PTPRD: variants seen among roughly 807,000 people sequenced by gnomAD.
PTPRD encodes the protein receptor-type tyrosine-protein phosphatase delta.
In PTPRD, 34 loss-of-function variants were observed where a neutral mutation model predicts 214.5. That is an observed-to-expected ratio of 0.16 (90% CI 0.12 to 0.21). PTPRD has a LOEUF of 0.21. PTPRD is among the 10% of genes least tolerant of loss of function. The pLI, the probability that PTPRD is intolerant of heterozygous loss-of-function variation, is 1.00. For synonymous variants in PTPRD, 1,128 were observed against 845.7 expected (o/e 1.33, Z -5.79); for missense variants, 2,545 against 2,398.7 (o/e 1.06, Z -1.27).
intron 4 of PTPRD, among the ~76,000 whole-genome samples, chr9:9,987,626 T>A (rs989753261): frequency 5.9e-5 from 9 of 152,186 alleles, no homozygotes; most frequent in African/African-American, 1.9e-4. Context: ...AAACCATATC[T>A]AATGCTAAAG....
chr9:9,584,099 A>T (rs581604), intron 7 of PTPRD, among the ~76,000 whole-genome samples: 35,474 of 151,648 alleles, frequency 0.23, 5,219 homozygotes, highest in Non-Finnish European at 0.32. Context: ...AGAAATACAG[A>T]ATCTCAGACC....
chr9:10,309,185 C>T (rs2096188720), intron 3 of PTPRD, among the ~76,000 whole-genome samples: 1 of 152,028 alleles, frequency 6.6e-6, no homozygotes, highest in Non-Finnish European at 1.5e-5. Context: ...AACTTCTAAA[C>T]AATTGAAGAG....
chr9:9,175,305 T>A (rs1479807474), intron 10 of PTPRD, among the ~76,000 whole-genome samples: 1 of 152,050 alleles, frequency 6.6e-6, no homozygotes, highest in Non-Finnish European at 1.5e-5. Context: ...CAGGGCATGT[T>A]TGTCAATCGT....
chr9:10,452,894 CTG>C (rs1341699450), intron 2 of PTPRD, among the ~76,000 whole-genome samples: 1 of 151,666 alleles, frequency 6.6e-6, no homozygotes, highest in East Asian at 1.9e-4. Flanking sequence ...CAAGAAATCA[CTG>C]TGAAGAGCAT....
rs779868747 is a variant in PTPRD, at chr9:8,341,114, T to C, written c.5102A>G (p.Asn1701Ser). The C allele has an allele frequency of 1.4e-5, 23 of 1,610,262 alleles. No homozygotes were observed. In the South Asian group the frequency reaches 1.6e-4, roughly 11 times the overall value. ...IRGVEGSDYINASFIDGYRQQ... is the reference protein window; with the variant it reads ...IRGVEGSDYISASFIDGYRQQ... ...CCTGTATCCATCAATAAAACTGGCA[T>C]TGATGTAATCAGATCCTTCTACTCC... Residue 1701 changes from asparagine (N) to serine (S), a missense_variant, in exon 41 of 46, where the codon AAT becomes AGT. Coordinates refer to ENST00000381196, the MANE Select transcript of PTPRD (RefSeq NM_002839.4).
chr9:8,348,070 CAT>C (rs2074377005), intron 39 of PTPRD, among the ~76,000 whole-genome samples: 1 of 152,094 alleles, frequency 6.6e-6, no homozygotes, highest in Non-Finnish European at 1.5e-5. Flanking sequence ...GAATAGACAA[CAT>C]AGCACATTTG....
chr9:10,074,312 TG>T (rs1461442969), intron 3 of PTPRD, among the ~76,000 whole-genome samples: 3 of 152,060 alleles, frequency 2.0e-5, no homozygotes, highest in Non-Finnish European at 4.4e-5. Flanking sequence ...TCCACAGCAA[TG>T]CAAAATAGCT....
At chr9:10,587,771 A>G (rs1275465765) in intron 2 of PTPRD, among the ~76,000 whole-genome samples, 1 of 152,124 alleles carries the variant, frequency 6.6e-6, no homozygotes, top group African/African-American at 2.4e-5. Context: ...CTGAAGATAT[A>G]GTCTATTCCC....
intron 5 of PTPRD, among the ~76,000 whole-genome samples, chr9:9,858,697 T>TG (rs1483091502): frequency 2.6e-5 from 4 of 151,974 alleles, no homozygotes; most frequent in African/African-American, 7.3e-5. Context: ...AATGATATAA[T>TG]GAAAAATGTA....
intron 7 of PTPRD, among the ~76,000 whole-genome samples, chr9:9,594,753 C>G (rs901817554): frequency 5.9e-5 from 9 of 151,962 alleles, no homozygotes; most frequent in African/African-American, 2.2e-4. Flanking sequence ...GCTATGTCGG[C>G]TTTTTGCACA....
chr9:8,426,827 G>A (rs2094710792), intron 35 of PTPRD, among the ~76,000 whole-genome samples: 1 of 149,424 alleles, frequency 6.7e-6, no homozygotes, highest in African/African-American at 2.5e-5. Context: ...GTGGGTGAAA[G>A]AACAAACATT....
intron 3 of PTPRD, among the ~76,000 whole-genome samples, chr9:10,307,305 T>C (rs2096111197): frequency 6.6e-6 from 1 of 152,114 alleles, no homozygotes; most frequent in African/African-American, 2.4e-5. Flanking sequence ...AGCTCTCACA[T>C]ATGAGTAAGA....
intron 7 of PTPRD, among the ~76,000 whole-genome samples, chr9:9,708,156 T>C (rs542708321): frequency 4.1e-4 from 63 of 152,208 alleles, no homozygotes; most frequent in African/African-American, 1.5e-3. Flanking sequence ...GTTAGTCAAA[T>C]TGACAAAACA....
chr9:9,529,444 A>C (rs2074979063), intron 8 of PTPRD, among the ~76,000 whole-genome samples: 1 of 152,182 alleles, frequency 6.6e-6, no homozygotes, highest in South Asian at 2.1e-4. Context: ...ATGTAAACCC[A>C]AGAAACTTAA....
intron 8 of PTPRD, among the ~76,000 whole-genome samples, chr9:9,462,446 T>A (rs77221911): frequency 6.6e-6 from 1 of 152,198 alleles, no homozygotes; most frequent in African/African-American, 2.4e-5. Flanking sequence ...GTCATTGTCA[T>A]AAAATTATAT....
intron 5 of PTPRD, among the ~76,000 whole-genome samples, chr9:9,912,742 G>C (rs2079564390): frequency 6.6e-6 from 1 of 152,152 alleles, no homozygotes; most frequent in South Asian, 2.1e-4. Flanking sequence ...AATAACCCAA[G>C]TTGAGAATGA....
At chr9:8,551,907 G>C (rs1432299185) in intron 14 of PTPRD, among the ~76,000 whole-genome samples, 1 of 152,150 alleles carries the variant, frequency 6.6e-6, no homozygotes, top group African/African-American at 2.4e-5. Flanking sequence ...TTAAAGAATG[G>C]ACCATGTGTT....
chr9:9,244,330 T>G (rs2099971880), intron 9 of PTPRD, among the ~76,000 whole-genome samples: 1 of 152,012 alleles, frequency 6.6e-6, no homozygotes, highest in African/African-American at 2.4e-5. Flanking sequence ...CATTGCCAAG[T>G]CAATCCTAAG....
At chr9:9,796,536 C>T (rs993903377) in intron 5 of PTPRD, among the ~76,000 whole-genome samples, 12 of 151,990 alleles carry the variant, frequency 7.9e-5, no homozygotes, top group Non-Finnish European at 1.6e-4. Context: ...TGAGAATTCT[C>T]AGGGAGGGAC....
Sources: gnomAD v4.1 joint callset for allele counts (sites outside exome capture counted in the v4.1 genomes callset) on GRCh38, gnomAD v4.1.1 for gene constraint, MANE v1.5 for transcripts, NCBI Gene and HGNC (gene_info 2026-07-23, HGNC 2026-07-21) for gene names.